The following REXO5 variants were observed in gnomAD, a reference collection of about 807,000 sequenced individuals.
The protein encoded by REXO5 is exonuclease NEF-sp.
In REXO5, 48 loss-of-function variants were observed where a neutral mutation model predicts 88.5. The observed-to-expected ratio is 0.54, with a 90% CI of 0.43 to 0.69. The LOEUF (loss-of-function observed/expected upper bound fraction) is 0.69. Ranked by LOEUF, REXO5 falls within the 30% of genes least tolerant of loss-of-function variation. The pLI, the probability that REXO5 is intolerant of heterozygous loss-of-function variation, is 0.00. For synonymous variants in REXO5, 311 were observed against 336.5 expected (o/e 0.92, Z 0.83); for missense variants, 749 against 912.2 (o/e 0.82, Z 2.30).
In REXO5 at chr16:20,828,459, A is replaced by G; in HGVS notation, c.1080A>G (p.Arg360=). The change falls in exon 11 of 20, where the codon AGA becomes AGG. Residue 360 remains arginine (R), a synonymous_variant. Coordinates refer to ENST00000261377, the MANE Select transcript of REXO5 (RefSeq NM_030941.3). ...GGAAGGATATACAGTGTCCAGACAG[A>G]CTTGGTCATGATGCCACAGAAGATG... The part of the protein sequence containing the change: ...ILGKDIQCPD[R]LGHDATEDAR... The G allele has an allele frequency of 6.2e-7, 1 of 1,613,680 alleles. No homozygotes were observed. Among genetic ancestry groups the G allele is most frequent in the Non-Finnish European group, 8.5e-7 (1 of 1,179,604 alleles).
chr16:20,810,626 C>T (rs750637438), intron 2 of REXO5, among the ~76,000 whole-genome samples: 7 of 152,172 alleles, frequency 4.6e-5, no homozygotes, highest in Non-Finnish European at 8.8e-5. Context: ...AAATTCATGA[C>T]CTCAAGTGAT....
chr16:20,830,577 A>C (rs754623965), intron 11 of REXO5, among the ~76,000 whole-genome samples: 3 of 152,184 alleles, frequency 2.0e-5, no homozygotes, highest in Admixed American at 2.0e-4. Flanking sequence ...TATCTCCCCA[A>C]ATGAAGGCAA....
At chr16:20,844,994 T>C (rs1170778186) in intron 17 of REXO5, 60 bp from the exon 18 acceptor site, 2 of 1,585,074 alleles carry the variant, frequency 1.3e-6, no homozygotes, top group East Asian at 2.2e-5. Flanking sequence ...GCCAGGCAGC[T>C]TGGATGGTGA....
chr16:20,809,561 T>G (rs562639534), intron 2 of REXO5, among the ~76,000 whole-genome samples: 158 of 152,376 alleles, frequency 1.0e-3, no homozygotes, highest in African/African-American at 3.6e-3. Flanking sequence ...TCTTCATTGA[T>G]TAGATTCAGG....
chr16:20,817,571 G>A (rs1397287321), intron 5 of REXO5, among the ~76,000 whole-genome samples: 1 of 152,078 alleles, frequency 6.6e-6, no homozygotes, highest in East Asian at 1.9e-4. Context: ...TACCAGCCAC[G>A]GAGAGACAAC....
chr16:20,835,182 T>C (rs2081407479), intron 13 of REXO5, among the ~76,000 whole-genome samples: 1 of 152,096 alleles, frequency 6.6e-6, no homozygotes, highest in Admixed American at 6.5e-5. Flanking sequence ...TTTTCTTTTC[T>C]TTCTTATGTT....
At chr16:20,829,920 G>A (rs532131551) in intron 11 of REXO5, among the ~76,000 whole-genome samples, 2 of 152,254 alleles carry the variant, frequency 1.3e-5, no homozygotes, top group African/African-American at 2.4e-5. Flanking sequence ...AGATCATATT[G>A]TCTTTATTGC....
At chr16:20,828,360 A>G in intron 10 of REXO5, 75 bp from the exon 11 acceptor site, 1 of 871,354 alleles carries the variant, frequency 1.1e-6, no homozygotes, top group East Asian at 2.5e-5. Context: ...ATATGTAATC[A>G]GAACACTTGA....
intron 2 of REXO5, chr16:20,808,796 T>C (rs1378618090): frequency 2.6e-5 from 4 of 152,030 alleles, no homozygotes; most frequent in Admixed American, 2.0e-4. Context: ...AGAGACGGGG[T>C]TTTGCCATGT....
chr16:20,806,951 GC>G lies in REXO5; in HGVS notation c.-1del. ...CAGCTCTACCTCATCTTTCTCCACA[GC>G]CATGGAGCCAGAGAGGGAAGGGACC... On this transcript the variant is annotated splice_region_variant and 5_prime_UTR_variant, in exon 2 of 20. Transcript: ENST00000261377. 1 of 1,584,220 alleles carries G rather than the reference GC, an allele frequency of 6.3e-7. No individual in the cohort carries two copies. Among genetic ancestry groups the G allele is most frequent in the Non-Finnish European group, 8.6e-7 (1 of 1,164,288 alleles).
In REXO5 at chr16:20,844,721, G is replaced by T. The variant is rs2081580810; in HGVS notation, c.1812G>T (p.Leu604=). ...GDSENQGSIY[L]SGVSETFKEQ... The stretch of plus-strand genomic sequence containing the variant: ...CTGAAAACCAAGGCTCTATATATCT[G>T]TCTGGAGTGAGTGAAACCTTCAAAG... The change falls in exon 17 of 20, where the codon CTG becomes CTT. Residue 604 remains leucine, a synonymous_variant. Transcript: ENST00000261377. The T allele has an allele frequency of 6.2e-7, 1 of 1,614,206 alleles. No homozygotes were observed. The highest frequency in any genetic ancestry group is 1.3e-5 in the African/African-American group (1 of 75,054).
chr16:20,832,282 A>C, intron 12 of REXO5, 23 bp downstream of exon 12: 1 of 1,485,436 alleles, frequency 6.7e-7, no homozygotes, highest in Non-Finnish European at 9.4e-7. Flanking sequence ...GTTTGAAACA[A>C]GAGCAAAGAC....
At position 20,849,561 on chromosome 16, in the gene REXO5, C is replaced by A; in HGVS notation, c.*81C>A. On this transcript the variant is annotated 3_prime_UTR_variant, in exon 20 of 20. Transcript: ENST00000261377. The stretch of plus-strand genomic sequence containing the variant: ...GAATGTGGTCAGGCTGTAGCCTCCC[C>A]AACCAGCAGACAGCTTTATGGAAAC... The A allele has an allele frequency of 1.6e-6, 2 of 1,249,090 alleles. No homozygotes were observed. Among genetic ancestry groups the A allele is most frequent in the Non-Finnish European group, 2.3e-6 (2 of 853,490 alleles). The allele number at this position is 1,249,090 out of a possible 1,614,324, so 77.4% of individuals were successfully genotyped here. A position where few individuals can be genotyped will look rare whatever the true frequency, so the allele number is the denominator to read the frequency against.
Position 20,833,099 on chromosome 16 carries a change from T to C in REXO5, c.1359T>C (p.Thr453=). The change falls in exon 13 of 20, where the codon ACT becomes ACC. Residue 453 remains threonine (T), a synonymous_variant. Coordinates refer to ENST00000261377, the MANE Select transcript of REXO5 (RefSeq NM_030941.3). The part of the protein sequence containing the change: ...GELPSSRNCQ[T]IKCLSNKEVL... Reference sequence around the variant, plus strand: ...TTCCATCTTCCAGAAATTGTCAAACTATTAAGTGTCTTTCAAATAAAGAGG... The same window carrying C: ...TTCCATCTTCCAGAAATTGTCAAACCATTAAGTGTCTTTCAAATAAAGAGG... The C allele has an allele frequency of 6.2e-7, 1 of 1,613,522 alleles. No homozygotes were observed. The highest frequency in any genetic ancestry group is 8.5e-7 in the Non-Finnish European group (1 of 1,179,538).
intron 5 of REXO5, among the ~76,000 whole-genome samples, chr16:20,820,590 G>T (rs1396564829): frequency 4.2e-5 from 4 of 95,788 alleles, no homozygotes; most frequent in Admixed American, 1.7e-4. Context: ...TTGAGACAGA[G>T]CCTCGCTCTG....
At chr16:20,821,401 C>T (rs565013035) in intron 5 of REXO5, among the ~76,000 whole-genome samples, 1 of 152,344 alleles carries the variant, frequency 6.6e-6, no homozygotes, top group South Asian at 2.1e-4. Context: ...ATTCTGCCAC[C>T]TCAGCCTCCC....
chr16:20,823,756 A>G (rs1720209710), intron 6 of REXO5, among the ~76,000 whole-genome samples: 3 of 152,194 alleles, frequency 2.0e-5, no homozygotes, highest in African/African-American at 7.2e-5. Flanking sequence ...GAAATCTTCA[A>G]CAATTCAGAT....
rs1055130625 is a variant in REXO5, at chr16:20,846,418, A to G, written c.2243+79A>G. Reference sequence around the variant, plus strand: ...TTCTTAGAGAAAAAGCCTTTTGCTGATATTTAGGCACATAGTGAGGACTTA... The same window carrying G: ...TTCTTAGAGAAAAAGCCTTTTGCTGGTATTTAGGCACATAGTGAGGACTTA... On this transcript the variant is annotated intron_variant, in intron 19 of 19. Transcript: ENST00000261377. 5.9e-6 allele frequency: 6 copies of G among 1,017,744 alleles called. No individual in the cohort carries two copies. The African/African-American group carries it at 9.6e-5, about 16-fold the overall frequency. 63.0% of individuals were successfully genotyped at this position (1,017,744 alleles called of 1,614,324 possible).
At chr16:20,842,604 G>A (rs2081547102) in intron 15 of REXO5, among the ~76,000 whole-genome samples, 1 of 151,572 alleles carries the variant, frequency 6.6e-6, no homozygotes, top group East Asian at 1.9e-4. Context: ...CCTCCTGCTG[G>A]GACCACAGGC....
Sources: allele counts gnomAD v4.1 joint callset (sites outside exome capture counted in the v4.1 genomes callset), GRCh38; gene constraint gnomAD v4.1.1; transcripts MANE v1.5; gene names NCBI Gene and HGNC (gene_info 2026-07-23, HGNC 2026-07-21).